KCTD8: variants seen among roughly 807,000 people sequenced by gnomAD.
KCTD8 encodes the protein potassium channel tetramerization domain containing 8.
Under a neutral mutation model 31.5 loss-of-function variants are expected in KCTD8, and 27 were observed. The ratio of observed to expected loss-of-function variants is 0.86; its 90% CI spans 0.63 to 1.18. The LOEUF (loss-of-function observed/expected upper bound fraction) is 1.18. Ranked by LOEUF, KCTD8 falls within the 50% of genes most tolerant of loss-of-function variation. The pLI, the probability that KCTD8 is intolerant of heterozygous loss-of-function variation, is 0.00. For missense variants in KCTD8, 658 were observed against 647.7 expected (o/e 1.02, Z -0.17); for synonymous variants, 290 against 280.0 (o/e 1.04, Z -0.36).
intron 1 of KCTD8, among the ~76,000 whole-genome samples, chr4:44,215,490 T>C (rs752560414): frequency 1.1e-4 from 16 of 152,190 alleles, no homozygotes; most frequent in Non-Finnish European, 2.1e-4. Context: ...ATAACTTTTA[T>C]AGGGAAACTT....
intron 1 of KCTD8, among the ~76,000 whole-genome samples, chr4:44,351,089 G>A (rs1168932900): frequency 6.6e-6 from 1 of 152,028 alleles, no homozygotes; most frequent in Non-Finnish European, 1.5e-5. Flanking sequence ...CATTTATTCT[G>A]TTCCTTTACC....
At chr4:44,420,057 G>A (rs1721175353) in intron 1 of KCTD8, among the ~76,000 whole-genome samples, 1 of 150,996 alleles carries the variant, frequency 6.6e-6, no homozygotes, top group Non-Finnish European at 1.5e-5. Flanking sequence ...AACAAGGCAT[G>A]ATATTATTTT....
chr4:44,349,712 CA>C (rs779535340), intron 1 of KCTD8, among the ~76,000 whole-genome samples: 1 of 152,162 alleles, frequency 6.6e-6, no homozygotes, highest in Non-Finnish European at 1.5e-5. Flanking sequence ...CTGAATCCTC[CA>C]TTCCTAGTTC....
At chr4:44,363,058 G>T (rs1719541460) in intron 1 of KCTD8, among the ~76,000 whole-genome samples, 2 of 151,954 alleles carry the variant, frequency 1.3e-5, no homozygotes, top group Non-Finnish European at 2.9e-5. Flanking sequence ...ATTTATATTG[G>T]AAAGGAGGTT....
intron 1 of KCTD8, among the ~76,000 whole-genome samples, chr4:44,214,358 G>C (rs915477574): frequency 1.3e-5 from 2 of 152,050 alleles, no homozygotes; most frequent in Non-Finnish European, 2.9e-5. Flanking sequence ...TCTGTCTCTC[G>C]TTTCCGTCTA....
Position 44,448,775 on chromosome 4 carries a change from G to A in KCTD8, c.-252C>T. On this transcript the variant is annotated 5_prime_UTR_variant, in exon 1 of 2. Coordinates refer to ENST00000360029, the MANE Select transcript of KCTD8 (RefSeq NM_198353.3). The surrounding 1 kb of genome is among the most constrained non-coding windows in gnomAD (Gnocchi z 4.1). ...GGCGGCAATGGAGAGGCAAGAAGGA[G>A]CTGCTGCTCCTTTGGGGCGAGGGCG... The A allele has an allele frequency of 5.5e-6, 2 of 361,190 alleles. No homozygotes were observed. Among genetic ancestry groups the A allele is most frequent in the Non-Finnish European group, 9.8e-6 (2 of 203,444 alleles). 22.4% of individuals were successfully genotyped at this position (361,190 alleles called of 1,614,324 possible). A position where few individuals can be genotyped will look rare whatever the true frequency, so the allele number is the denominator to read the frequency against.
intron 1 of KCTD8, among the ~76,000 whole-genome samples, chr4:44,346,794 T>C (rs1388436823): frequency 6.6e-6 from 1 of 152,222 alleles, no homozygotes; most frequent in Non-Finnish European, 1.5e-5. Context: ...ATATATGTTT[T>C]AGTTAAAGGA....
chr4:44,309,103 T>C (rs1291438897), intron 1 of KCTD8, among the ~76,000 whole-genome samples: 2 of 152,192 alleles, frequency 1.3e-5, no homozygotes, highest in African/African-American at 4.8e-5. Context: ...TGGCATGCTC[T>C]TGGCTCACTA....
intron 1 of KCTD8, among the ~76,000 whole-genome samples, chr4:44,303,249 G>A (rs1295230290): frequency 2.6e-5 from 4 of 152,078 alleles, no homozygotes; most frequent in Non-Finnish European, 5.9e-5. Flanking sequence ...GAGTTAGGGA[G>A]GATTCCCTCT....
At chr4:44,194,863 C>CT (rs552742908) in intron 1 of KCTD8, among the ~76,000 whole-genome samples, 31 of 124,316 alleles carry the variant, frequency 2.5e-4, no homozygotes, top group East Asian at 1.6e-3. Context: ...CACTCTCTCT[C>CT]TTTTTTTTTT....
chr4:44,430,076 T>C (rs1721437505), intron 1 of KCTD8, among the ~76,000 whole-genome samples: 1 of 151,782 alleles, frequency 6.6e-6, no homozygotes. Context: ...AATGTACTGT[T>C]AAAATTAGAA....
In KCTD8 at chr4:44,448,595, C is replaced by T; in HGVS notation, c.-72G>A. On this transcript the variant is annotated 5_prime_UTR_variant, in exon 1 of 2. Transcript: ENST00000360029. This position sits in a 1 kb window ranked among gnomAD's most constrained non-coding sequence, Gnocchi z 4.1. ...CGTTCCCGGAGCCCGCGCCCCAGCC[C>T]TCCGCGTGCTCCTGGCGCTCTGCGC... The T allele has an allele frequency of 7.4e-7, 1 of 1,355,470 alleles. No homozygotes were observed. The highest frequency in any genetic ancestry group is 1.5e-5 in the African/African-American group (1 of 66,084). The allele number at this position is 1,355,470 out of a possible 1,614,324, so 84.0% of individuals were successfully genotyped here. A position where few individuals can be genotyped will look rare whatever the true frequency, so the allele number is the denominator to read the frequency against.
chr4:44,306,863 G>T (rs1717819711), intron 1 of KCTD8, among the ~76,000 whole-genome samples: 1 of 151,884 alleles, frequency 6.6e-6, no homozygotes, highest in Non-Finnish European at 1.5e-5. Context: ...ATTTAAAAAG[G>T]AGAAAAAGAA....
intron 1 of KCTD8, among the ~76,000 whole-genome samples, chr4:44,298,830 G>T (rs1717521582): frequency 6.6e-6 from 1 of 152,066 alleles, no homozygotes; most frequent in South Asian, 2.1e-4. Flanking sequence ...ACAGAAGTTA[G>T]ATATAAAATA....
intron 1 of KCTD8, among the ~76,000 whole-genome samples, chr4:44,407,381 CT>C (rs1384241162): frequency 6.0e-5 from 9 of 150,370 alleles, no homozygotes; most frequent in Non-Finnish European, 1.2e-4. Flanking sequence ...TTTCTTTTCT[CT>C]TTTTTTCTTT....
intron 1 of KCTD8, among the ~76,000 whole-genome samples, chr4:44,300,479 A>T (rs1302200479): frequency 6.6e-6 from 1 of 152,080 alleles, no homozygotes; most frequent in Non-Finnish European, 1.5e-5. Flanking sequence ...ATCAGAAAAA[A>T]AGGTTATATT....
At chr4:44,364,519 T>C (rs1719581353) in intron 1 of KCTD8, among the ~76,000 whole-genome samples, 1 of 152,136 alleles carries the variant, frequency 6.6e-6, no homozygotes, top group African/African-American at 2.4e-5. Flanking sequence ...AGTCTGACAG[T>C]TTCTTGCAAA....
At chr4:44,214,298 A>AT (rs755067612) in intron 1 of KCTD8, among the ~76,000 whole-genome samples, 8 of 152,112 alleles carry the variant, frequency 5.3e-5, no homozygotes, top group Non-Finnish European at 1.0e-4. Context: ...GGGGGAAAAT[A>AT]TTTGTTTCTC....
chr4:44,393,356 T>C (rs1409519712), intron 1 of KCTD8, among the ~76,000 whole-genome samples: 4 of 151,940 alleles, frequency 2.6e-5, no homozygotes, highest in Non-Finnish European at 5.9e-5. Context: ...AATATATTCC[T>C]AAGAAAATTA....
Sources: gnomAD v4.1 joint callset for allele counts (sites outside exome capture counted in the v4.1 genomes callset) on GRCh38, gnomAD v4.1.1 for gene constraint, Gnocchi (gnomAD v3.1) non-coding constraint, MANE v1.5 for transcripts, NCBI Gene and HGNC (gene_info 2026-07-23, HGNC 2026-07-21) for gene names.